The following CTNNA3 variants were observed in gnomAD, a reference collection of about 807,000 sequenced individuals.
CTNNA3 encodes the protein catenin alpha-3.
CTNNA3 carries 76 observed loss-of-function variants against 95.7 expected under a neutral mutation model. That is an observed-to-expected ratio of 0.79 (90% CI 0.66 to 0.96). The LOEUF is 0.96. CTNNA3 is among the 40% of genes least tolerant of loss of function. The pLI is 0.00. For synonymous variants in CTNNA3, 431 were observed against 374.4 expected, an observed-to-expected ratio of 1.15 and a Z score of -1.74; for missense variants, 1,191 against 1,089.8, an observed-to-expected ratio of 1.09 and a Z score of -1.31.
intron 7 of CTNNA3, among the ~76,000 whole-genome samples, chr10:66,891,912 G>C (rs1163263268): frequency 6.6e-6 from 1 of 151,902 alleles, no homozygotes; most frequent in Non-Finnish European, 1.5e-5. Context: ...GTTCAGATAA[G>C]GGAAAAAACA....
chr10:65,958,742 C>G (rs573433205), intron 17 of CTNNA3, among the ~76,000 whole-genome samples: 1 of 152,250 alleles, frequency 6.6e-6, no homozygotes, highest in East Asian at 1.9e-4. Context: ...CTGCCTGATC[C>G]CTCCTCTGGA....
At chr10:66,665,207 T>A (rs1209475804) in intron 9 of CTNNA3, among the ~76,000 whole-genome samples, 1 of 84,980 alleles carries the variant, frequency 1.2e-5, no homozygotes, top group Admixed American at 1.1e-4. Context: ...TTTCAGTTAA[T>A]GAAGCTTACT....
intron 10 of CTNNA3, among the ~76,000 whole-genome samples, chr10:66,577,806 CTTT>C (rs1378820314): frequency 6.6e-6 from 1 of 152,002 alleles, no homozygotes; most frequent in Non-Finnish European, 1.5e-5. Flanking sequence ...GTGATTCAGT[CTTT>C]TCTTTGATTC....
At chr10:65,971,272 A>G (rs1257756718) in intron 16 of CTNNA3, among the ~76,000 whole-genome samples, 1 of 151,678 alleles carries the variant, frequency 6.6e-6, no homozygotes, top group East Asian at 1.9e-4. Context: ...ACAAGAATAA[A>G]CCAACCCAAA....
chr10:66,052,118 C>G (rs920462384), intron 15 of CTNNA3, among the ~76,000 whole-genome samples: 1 of 152,058 alleles, frequency 6.6e-6, no homozygotes, highest in African/African-American at 2.4e-5. Flanking sequence ...AGTAAGCTCC[C>G]ATGGAGAAAG....
intron 6 of CTNNA3, among the ~76,000 whole-genome samples, chr10:67,213,982 G>T (rs995500874): frequency 2.0e-5 from 3 of 151,614 alleles, no homozygotes; most frequent in Admixed American, 2.0e-4. Context: ...GTTGGATATC[G>T]TTTTATCCTT....
chr10:67,755,216 A>G (rs940121481), intron 1 of CTNNA3, among the ~76,000 whole-genome samples: 3 of 151,934 alleles, frequency 2.0e-5, no homozygotes, highest in Admixed American at 6.6e-5. Context: ...AGGTGATGAT[A>G]TACAAATAGC....
chr10:67,507,234 G>A (rs1031345927), intron 5 of CTNNA3, among the ~76,000 whole-genome samples: 3 of 152,080 alleles, frequency 2.0e-5, no homozygotes, highest in Non-Finnish European at 4.4e-5. Context: ...TAATGAGTAA[G>A]AAAATTAAAT....
At chr10:66,331,968 T>C (rs982186343) in intron 12 of CTNNA3, among the ~76,000 whole-genome samples, 2 of 151,816 alleles carry the variant, frequency 1.3e-5, no homozygotes, top group African/African-American at 4.8e-5. Context: ...TGTATCGTCT[T>C]TTATTTGGAT....
chr10:67,331,331 T>G (rs769727869), intron 5 of CTNNA3, among the ~76,000 whole-genome samples: 3 of 152,226 alleles, frequency 2.0e-5, no homozygotes, highest in Non-Finnish European at 4.4e-5. Flanking sequence ...GTGAATAAAC[T>G]GCTGTGTTTC....
chr10:66,099,740 C>T (rs2081542720), intron 14 of CTNNA3, among the ~76,000 whole-genome samples: 1 of 152,152 alleles, frequency 6.6e-6, no homozygotes, highest in Admixed American at 6.5e-5. Context: ...TTCCCCTTGT[C>T]AGACAGCTGT....
chr10:66,903,948 A>C (rs1402051317), intron 7 of CTNNA3, among the ~76,000 whole-genome samples: 1 of 152,236 alleles, frequency 6.6e-6, no homozygotes, highest in Non-Finnish European at 1.5e-5. Context: ...AAATGGCCGT[A>C]CTGCCCAAGG....
chr10:66,684,882 T>C (rs572425797), intron 9 of CTNNA3, among the ~76,000 whole-genome samples: 5 of 149,642 alleles, frequency 3.3e-5, no homozygotes, highest in South Asian at 2.1e-4. Flanking sequence ...TTATTAGTAA[T>C]TATGTAGGAA....
intron 5 of CTNNA3, among the ~76,000 whole-genome samples, chr10:67,261,808 G>T (rs974720653): frequency 6.6e-6 from 1 of 152,156 alleles, no homozygotes; most frequent in Non-Finnish European, 1.5e-5. Flanking sequence ...ATTCAGAAAA[G>T]AGAAATCAGA....
intron 7 of CTNNA3, among the ~76,000 whole-genome samples, chr10:66,924,266 A>G (rs1029761405): frequency 2.0e-5 from 3 of 152,180 alleles, no homozygotes; most frequent in Admixed American, 6.5e-5. Flanking sequence ...TATCCATTGT[A>G]CTATATCTGT....
chr10:67,727,588 T>C (rs1004123656), intron 1 of CTNNA3, among the ~76,000 whole-genome samples: 4 of 128,512 alleles, frequency 3.1e-5, no homozygotes, highest in African/African-American at 1.2e-4. Context: ...ATATATGATA[T>C]ATATCATATA....
At chr10:66,771,928 G>C (rs2132809646) in intron 8 of CTNNA3, among the ~76,000 whole-genome samples, 1 of 152,170 alleles carries the variant, frequency 6.6e-6, no homozygotes, top group Admixed American at 6.5e-5. Context: ...CATTCCAGCT[G>C]GTGAAAACAG....
At chr10:66,913,733 T>A (rs1846341581) in intron 7 of CTNNA3, among the ~76,000 whole-genome samples, 1 of 152,116 alleles carries the variant, frequency 6.6e-6, no homozygotes, top group South Asian at 2.1e-4. Flanking sequence ...TGGGGACTGA[T>A]CTTCATAGAG....
rs1056403821 is a variant in CTNNA3 at position 67,444,701 on chromosome 10, A to AC, written c.579+77140_579+77141insG. On this transcript the variant is annotated intron_variant, in intron 5 of 17. Coordinates refer to ENST00000433211, the MANE Select transcript of CTNNA3 (RefSeq NM_013266.4). ...AAAATCCAAATAAATAAAATCAGAG[A>AC]TTAAAAAAGAGATGTTACAACTGAT... Among the ~76,000 whole-genome samples the AC allele has an allele frequency of 3.0e-3, 191 of 64,106 alleles. 1 individual carries two copies. The highest frequency in any genetic ancestry group is 9.1e-3 in the Non-Finnish European group (146 of 16,002). The allele number at this position is 64,106 out of a possible 152,430, so 42.1% of individuals were successfully genotyped here.
Sources: gnomAD v4.1 joint callset for allele counts (sites outside exome capture counted in the v4.1 genomes callset) on GRCh38, gnomAD v4.1.1 for gene constraint, MANE v1.5 for transcripts, NCBI Gene and HGNC (gene_info 2026-07-23, HGNC 2026-07-21) for gene names.